Variants in SLC22A4 observed in about 807,000 individuals in gnomAD.
SLC22A4 encodes the protein ET transporter.
Under a neutral mutation model 56.6 loss-of-function variants are expected in SLC22A4, and 39 were observed. The ratio of observed to expected loss-of-function variants is 0.69; its 90% CI spans 0.53 to 0.90. The LOEUF (loss-of-function observed/expected upper bound fraction) is 0.90, where lower values mean the gene tolerates loss of function less well. SLC22A4 is among the 40% of genes least tolerant of loss of function. SLC22A4 has a pLI of 0.00. For missense variants in SLC22A4, 594 were observed against 696.5 expected (o/e 0.85, Z 1.66); for synonymous variants, 241 against 281.4 (o/e 0.86, Z 1.44).
intron 1 of SLC22A4, among the ~76,000 whole-genome samples, chr5:132,307,922 G>A (rs1750079837): frequency 6.6e-6 from 1 of 152,112 alleles, no homozygotes; most frequent in Admixed American, 6.6e-5. Flanking sequence ...CAAGGCTGAG[G>A]GTGATTTTCC....
intron 3 of SLC22A4, among the ~76,000 whole-genome samples, chr5:132,320,316 C>T (rs1313787532): frequency 2.0e-5 from 3 of 152,236 alleles, no homozygotes; most frequent in Non-Finnish European, 4.4e-5. Context: ...TGCGCCCTTT[C>T]TCTTTTCCAA....
intron 3 of SLC22A4, among the ~76,000 whole-genome samples, chr5:132,319,732 A>ACAG (rs1443679334): frequency 6.6e-6 from 1 of 152,126 alleles, no homozygotes; most frequent in Non-Finnish European, 1.5e-5. Flanking sequence ...AGGTGGGATT[A>ACAG]CAGGTGCCTG....
chr5:132,304,343 G>T (rs1409247080), intron 1 of SLC22A4, among the ~76,000 whole-genome samples: 1 of 152,216 alleles, frequency 6.6e-6, no homozygotes, highest in African/African-American at 2.4e-5. Context: ...TCAGACTGGC[G>T]TGGTGGCTCA....
intron 8 of SLC22A4, among the ~76,000 whole-genome samples, chr5:132,336,678 TA>T (rs1263192845): frequency 2.6e-5 from 4 of 152,230 alleles, no homozygotes; most frequent in Non-Finnish European, 5.9e-5. Context: ...TACCTCCTTT[TA>T]AAAATGTATA....
At chr5:132,321,932 T>C (rs1173307771) in intron 3 of SLC22A4, among the ~76,000 whole-genome samples, 1 of 151,494 alleles carries the variant, frequency 6.6e-6, no homozygotes, top group Non-Finnish European at 1.5e-5. Flanking sequence ...TAATAATAAA[T>C]TAATTAAAAA....
Position 132,312,279 on chromosome 5 carries a change from G to A in SLC22A4, c.497+15G>A, listed in dbSNP as rs544907089. On this transcript the variant is annotated intron_variant, in intron 2 of 9. Transcript: ENST00000200652. Reference sequence around the variant, plus strand: ...CTGTCAGACAGGTAAGCACATGGGAGGGGAGGAAGGTGGGATGGTGCCCCT... The same window carrying A: ...CTGTCAGACAGGTAAGCACATGGGAAGGGAGGAAGGTGGGATGGTGCCCCT... 4 of 1,512,436 alleles carry A rather than the reference G, an allele frequency of 2.6e-6. No individual in the cohort carries two copies. Among genetic ancestry groups the A allele is most frequent in the African/African-American group, 1.4e-5 (1 of 73,062 alleles). The allele number at this position is 1,512,436 out of a possible 1,614,324, so 93.7% of individuals were successfully genotyped here.
At chr5:132,325,224 C>T (rs904469253) in intron 4 of SLC22A4, among the ~76,000 whole-genome samples, 8 of 152,172 alleles carry the variant, frequency 5.3e-5, no homozygotes, top group African/African-American at 1.7e-4. Flanking sequence ...TGAGGTATAT[C>T]GTGGCTGTGT....
intron 7 of SLC22A4, among the ~76,000 whole-genome samples, 182 bp downstream of exon 7, chr5:132,335,114 G>T (rs1188061617): frequency 6.6e-6 from 1 of 152,150 alleles, no homozygotes; most frequent in African/African-American, 2.4e-5. Flanking sequence ...ACCCCAAACA[G>T]AAGAGACAGT....
intron 1 of SLC22A4, among the ~76,000 whole-genome samples, chr5:132,305,033 C>G (rs1453558292): frequency 6.6e-6 from 1 of 152,156 alleles, no homozygotes; most frequent in Admixed American, 6.5e-5. Context: ...TTGCTTAAGC[C>G]CAGGAGTTCA....
At chr5:132,296,562 G>C (rs753219423) in intron 1 of SLC22A4, among the ~76,000 whole-genome samples, 4 of 152,234 alleles carry the variant, frequency 2.6e-5, no homozygotes, top group Admixed American at 6.5e-5. Context: ...TCAGCCCAGG[G>C]ACTGCCTTTG....
chr5:132,308,611 G>A (rs573941017), intron 1 of SLC22A4, among the ~76,000 whole-genome samples: 1 of 152,012 alleles, frequency 6.6e-6, no homozygotes, highest in Admixed American at 6.5e-5. Context: ...CATGGGAAGC[G>A]GCACATCCTT....
intron 8 of SLC22A4, among the ~76,000 whole-genome samples, chr5:132,337,243 A>G (rs1403878999): frequency 6.6e-6 from 1 of 151,220 alleles, no homozygotes; most frequent in Non-Finnish European, 1.5e-5. Flanking sequence ...GTGGTTTTCA[A>G]TAATCTCACC....
rs55779142 is a variant in SLC22A4, at chr5:132,306,384, AATATATATAT to A, written c.394-5727_394-5718del. ...AAAACGTGGTAGACCCAAACCGTGA[AATATATATAT>A]ATATATATATATATATATATATATA... On this transcript the variant is annotated intron_variant, in intron 1 of 9. Transcript: ENST00000200652. Among the ~76,000 whole-genome samples the A allele has an allele frequency of 5.7e-3, 173 of 30,490 alleles. 2 individuals are homozygous for A. Among genetic ancestry groups the A allele is most frequent in the Middle Eastern group, 0.028 (1 of 36 alleles). 20.0% of individuals were successfully genotyped at this position (30,490 alleles called of 152,430 possible). A position where few individuals can be genotyped will look rare whatever the true frequency, so the allele number is the denominator to read the frequency against.
In SLC22A4 at chr5:132,295,024, G is replaced by A; in HGVS notation, c.393+15G>A. On this transcript the variant is annotated intron_variant, in intron 1 of 9. Transcript: ENST00000200652. The stretch of plus-strand genomic sequence containing the variant: ...TCGTGACCGAGGTGGGTGCCAGGCC[G>A]AGACCGTTGACCCGGGAGTGCCTGA... The A allele has an allele frequency of 3.8e-6, 6 of 1,599,192 alleles. No individual in the cohort carries two copies. The highest frequency in any genetic ancestry group is 2.6e-6 in the Non-Finnish European group (3 of 1,173,450).
intron 1 of SLC22A4, among the ~76,000 whole-genome samples, chr5:132,309,620 C>A (rs1750131971): frequency 6.6e-6 from 1 of 152,270 alleles, no homozygotes; most frequent in Admixed American, 6.5e-5. Context: ...CAGGTTTGAT[C>A]CCCTGCCAGG....
chr5:132,339,475 TACAC>T (rs58759726), intron 8 of SLC22A4, among the ~76,000 whole-genome samples: 18 of 146,736 alleles, frequency 1.2e-4, no homozygotes, highest in Admixed American at 3.4e-4. Flanking sequence ...GGTACACACG[TACAC>T]ACACACACAC....
intron 4 of SLC22A4, among the ~76,000 whole-genome samples, chr5:132,323,072 T>G (rs1750590987): frequency 6.6e-6 from 1 of 152,242 alleles, no homozygotes; most frequent in Non-Finnish European, 1.5e-5. Flanking sequence ...TTTTCATATT[T>G]AAGCAAGAGA....
chr5:132,340,807 C>A, intron 9 of SLC22A4, 107 bp downstream of exon 9: 1 of 1,110,734 alleles, frequency 9.0e-7, no homozygotes, highest in Non-Finnish European at 1.4e-6. Flanking sequence ...TAGAGACTAG[C>A]TCTATCAGAT....
chr5:132,294,822 T>G lies in SLC22A4; in HGVS notation c.206T>G (p.Leu69Arg). Residue 69 changes from leucine (L) to arginine (R), a missense_variant, in exon 1 of 10, where the codon CTG becomes CGG. Coordinates refer to ENST00000200652, the MANE Select transcript of SLC22A4 (RefSeq NM_003059.3). This position sits in a 1 kb window ranked among gnomAD's most constrained non-coding sequence, Gnocchi z 5.6. ...SSAWRNNSVP[L>R]RLRDGREVPH... ...GCCTGGCGCAACAACAGTGTCCCGC[T>G]GCGGCTGCGGGACGGCCGCGAGGTG... 1 of 1,611,352 alleles carries G rather than the reference T, an allele frequency of 6.2e-7. No homozygotes were observed. The highest frequency in any genetic ancestry group is 8.5e-7 in the Non-Finnish European group (1 of 1,179,234).
Sources: gnomAD v4.1 joint callset for allele counts (sites outside exome capture counted in the v4.1 genomes callset) on GRCh38, gnomAD v4.1.1 for gene constraint, Gnocchi (gnomAD v3.1) non-coding constraint, MANE v1.5 for transcripts, NCBI Gene and HGNC (gene_info 2026-07-23, HGNC 2026-07-21) for gene names.